Variants in FRMD4A observed in about 807,000 individuals in gnomAD.
FRMD4A encodes the protein FERM domain-containing protein 4A.
In FRMD4A, 29 loss-of-function variants were observed where a neutral mutation model predicts 129.1. The observed-to-expected ratio is 0.22, with a 90% CI of 0.17 to 0.31. FRMD4A has a LOEUF of 0.31. Among genes scored for constraint, FRMD4A ranks in the 10% least tolerant of loss-of-function variants. FRMD4A has a pLI of 1.00. For missense variants in FRMD4A, 1,272 were observed against 1,375.8 expected, an observed-to-expected ratio of 0.92 and a Z score of 1.19; for synonymous variants, 634 against 571.6, an observed-to-expected ratio of 1.11 and a Z score of -1.56.
chr10:14,223,964 T>C (rs931546335), intron 2 of FRMD4A, among the ~76,000 whole-genome samples: 1 of 152,086 alleles, frequency 6.6e-6, no homozygotes, highest in African/African-American at 2.4e-5. Flanking sequence ...TCGGGGACCC[T>C]TCTCTAATAT....
chr10:13,744,908 C>A (rs2091214075), intron 9 of FRMD4A, among the ~76,000 whole-genome samples: 1 of 152,164 alleles, frequency 6.6e-6, no homozygotes, highest in Admixed American at 6.5e-5. Flanking sequence ...AGCACTTATC[C>A]CTCTCCTTGC....
chr10:13,657,626 C>A, intron 21 of FRMD4A, 104 bp from the exon 22 acceptor site: 2 of 1,417,728 alleles, frequency 1.4e-6, no homozygotes, highest in Non-Finnish European at 1.8e-6. Flanking sequence ...TGTCTGCACG[C>A]GGGCGCAGGC....
chr10:14,005,279 C>G (rs2095658264), intron 2 of FRMD4A, among the ~76,000 whole-genome samples: 1 of 152,144 alleles, frequency 6.6e-6, no homozygotes, highest in Non-Finnish European at 1.5e-5. Context: ...AGCTCGGTCT[C>G]CCAAAGTGCT....
At position 13,644,473 on chromosome 10, in the gene FRMD4A, C is replaced by T. The variant is rs2080993724; in HGVS notation, c.*2565G>A. ...TTTTACTTAATCTCTGTCTTGACTA[C>T]CAGACTATCATGATGTTTGTTGGAA... On this transcript the variant is annotated 3_prime_UTR_variant, in exon 25 of 25. Transcript: ENST00000357447. 2 of 152,230 alleles carry T rather than the reference C, an allele frequency of 1.3e-5. No homozygotes were observed. Among genetic ancestry groups the T allele is most frequent in the African/African-American group, 2.4e-5 (1 of 41,460 alleles). The allele number at this position is 152,230 out of a possible 1,614,324, so 9.4% of individuals were successfully genotyped here. A position where few individuals can be genotyped will look rare whatever the true frequency, so the allele number is the denominator to read the frequency against.
chr10:13,794,390 TCAAAA>T (rs2093068740), intron 5 of FRMD4A, among the ~76,000 whole-genome samples: 1 of 7,934 alleles, frequency 1.3e-4, no homozygotes, highest in African/African-American at 3.7e-4. Flanking sequence ...AGAATCCGTC[TCAAAA>T]AAAAAAAAAA....
In FRMD4A at chr10:13,961,074, T is replaced by C. The variant is rs577811045; in HGVS notation, c.46-102162A>G. Among the ~76,000 whole-genome samples, 5 of 152,318 alleles carry C rather than the reference T, an allele frequency of 3.3e-5. No homozygotes were observed. The South Asian group carries it at 6.2e-4, about 19-fold the overall frequency. On this transcript the variant is annotated intron_variant, in intron 2 of 24. Transcript: ENST00000357447. ...GATGACCCCTATAATAAAAATGGAT[T>C]GAGCACAGTTAAAACATGACTGTAA...
intron 2 of FRMD4A, among the ~76,000 whole-genome samples, chr10:13,975,214 AATGTGTGTGTGT>A (rs966184762): frequency 5.5e-5 from 8 of 144,854 alleles, no homozygotes; most frequent in African/African-American, 2.1e-4. Flanking sequence ...ATCATATGTT[AATGTGTGTGTGT>A]ATGTGTGTGT....
intron 22 of FRMD4A, 54 bp from the exon 23 acceptor site, chr10:13,654,566 T>TGAAA: frequency 7.6e-6 from 9 of 1,182,004 alleles, no homozygotes; most frequent in Non-Finnish European, 1.1e-5. Context: ...CAGACACAGG[T>TGAAA]GAAAGAGCTT....
rs892777310 is a variant in FRMD4A at position 14,089,380 on chromosome 10, G to C, written c.46-230468C>G. On this transcript the variant is annotated intron_variant, in intron 2 of 24. Coordinates refer to ENST00000357447, the MANE Select transcript of FRMD4A (RefSeq NM_018027.5). ...AGTGCATGAAGCCACTTATCACCAC[G>C]GTTCCCAGAGAGGACGGGCTGGCCC... Among the ~76,000 whole-genome samples, 30 of 152,172 alleles carry C rather than the reference G, an allele frequency of 2.0e-4. 2 individuals are homozygous for C. Among genetic ancestry groups the C allele is most frequent in the Middle Eastern group, 3.4e-3 (1 of 294 alleles).
rs780296999 is a variant in FRMD4A at position 13,654,422 on chromosome 10, T to C, written c.3044A>G (p.Gln1015Arg). ...PSSPHHILTW[Q>R]TGEATENSPI... ...ACATAGAAGGAGAACTCACCCAGTC[T>C]GCCAGGTTAGGATGTGGTGGGGGCT... Residue 1015 changes from glutamine (Q) to arginine (R), a missense_variant, in exon 23 of 25, where the codon CAG becomes CGG. Around this residue, in one of 2 missense-constraint regions of FRMD4A, gnomAD observed 972 missense variants for 892.3 expected, o/e 1.09. Coordinates refer to ENST00000357447, the MANE Select transcript of FRMD4A (RefSeq NM_018027.5). 3 of 1,600,456 alleles carry C rather than the reference T, an allele frequency of 1.9e-6. No homozygotes were observed. The highest frequency in any genetic ancestry group is 2.6e-6 in the Non-Finnish European group (3 of 1,167,456).
At chr10:14,031,874 T>G (rs1452650599) in intron 2 of FRMD4A, among the ~76,000 whole-genome samples, 2 of 107,366 alleles carry the variant, frequency 1.9e-5, no homozygotes, top group Non-Finnish European at 3.7e-5. Context: ...CTGACTTAGA[T>G]TTTTTTTTTT....
intron 13 of FRMD4A, 120 bp downstream of exon 13, chr10:13,706,917 C>A (rs2087514468): frequency 3.2e-6 from 2 of 625,714 alleles, no homozygotes; most frequent in African/African-American, 1.8e-5. Flanking sequence ...TCCCCAGGAG[C>A]CCCCACCCTC....
chr10:14,084,083 C>A (rs1836098575), intron 2 of FRMD4A, among the ~76,000 whole-genome samples: 1 of 152,198 alleles, frequency 6.6e-6, no homozygotes, highest in Non-Finnish European at 1.5e-5. Context: ...CAGTAAAGCA[C>A]TCACAGCCCT....
chr10:13,713,342 A>G, intron 12 of FRMD4A, among the ~76,000 whole-genome samples: 1 of 152,148 alleles, frequency 6.6e-6, no homozygotes, highest in East Asian at 1.9e-4. Flanking sequence ...TCTTTCTAAC[A>G]CACCATGAAG....
In FRMD4A at chr10:13,701,492, A is replaced by G; in HGVS notation, c.837-14T>C. 6.2e-7 allele frequency: 1 copy of G among 1,610,884 alleles called. No homozygotes were observed. The highest frequency in any genetic ancestry group is 8.5e-7 in the Non-Finnish European group (1 of 1,177,918). On this transcript the variant is annotated splice_polypyrimidine_tract_variant and intron_variant, in intron 13 of 24. Transcript: ENST00000357447. ...GTCACTGAAGCCCTGGGGAAGCAAG[A>G]ATCACAAGGTTCAATCCCATTTCTG...
intron 12 of FRMD4A, among the ~76,000 whole-genome samples, chr10:13,714,008 T>A (rs181384298): frequency 0.22 from 177 of 810 alleles, 37 homozygotes; most frequent in East Asian, 0.5. Flanking sequence ...ACATATATAA[T>A]ATACATATAT....
intron 2 of FRMD4A, among the ~76,000 whole-genome samples, chr10:14,150,294 T>C (rs986354914): frequency 6.6e-6 from 1 of 152,150 alleles, no homozygotes; most frequent in African/African-American, 2.4e-5. Context: ...GAGAAGTGCA[T>C]ATTTCATATG....
chr10:14,025,470 A>G (rs955271145), intron 2 of FRMD4A, among the ~76,000 whole-genome samples: 2 of 152,170 alleles, frequency 1.3e-5, no homozygotes, highest in Admixed American at 6.5e-5. Flanking sequence ...TATTTCATCA[A>G]TGCTCTTCCT....
At chr10:13,796,788 T>C (rs547176672) in intron 4 of FRMD4A, among the ~76,000 whole-genome samples, 200 bp from the exon 5 acceptor site, 2 of 152,332 alleles carry the variant, frequency 1.3e-5, no homozygotes, top group South Asian at 4.1e-4. Flanking sequence ...TGGCATGATC[T>C]TGGCTCACTG....
Sources: gnomAD v4.1 joint callset for allele counts (sites outside exome capture counted in the v4.1 genomes callset) on GRCh38, gnomAD v4.1.1 for gene constraint, gnomAD v4.1.1 regional missense constraint, MANE v1.5 for transcripts, NCBI Gene and HGNC (gene_info 2026-07-23, HGNC 2026-07-21) for gene names.